The following PXDNL variants were observed in gnomAD, a reference collection of about 807,000 sequenced individuals.
PXDNL encodes the protein peroxidasin like.
Under a neutral mutation model 150.8 loss-of-function variants are expected in PXDNL, and 145 were observed. The observed-to-expected ratio is 0.96, with a 90% CI of 0.84 to 1.10. PXDNL has a LOEUF of 1.10. PXDNL is among the 50% of genes least tolerant of loss of function. The pLI is 0.00. For missense variants in PXDNL, 2,087 were observed against 1,873.9 expected, an observed-to-expected ratio of 1.11 and a Z score of -2.10; for synonymous variants, 757 against 725.7, an observed-to-expected ratio of 1.04 and a Z score of -0.69.
intron 2 of PXDNL, among the ~76,000 whole-genome samples, chr8:51,593,094 T>A (rs934706988): frequency 2.0e-5 from 3 of 152,084 alleles, no homozygotes; most frequent in African/African-American, 7.2e-5. Context: ...AAAATAAATA[T>A]CACAGATATT....
At chr8:51,660,947 G>A (rs1013902394) in intron 1 of PXDNL, among the ~76,000 whole-genome samples, 1 of 152,034 alleles carries the variant, frequency 6.6e-6, no homozygotes, top group African/African-American at 2.4e-5. Flanking sequence ...TGCCCTTTGC[G>A]ACCGCCCCCC....
intron 4 of PXDNL, among the ~76,000 whole-genome samples, chr8:51,522,628 G>C (rs1359528918): frequency 6.6e-6 from 1 of 152,164 alleles, no homozygotes; most frequent in Non-Finnish European, 1.5e-5. Context: ...TGGATCACCT[G>C]AGGTCAGGAG....
intron 2 of PXDNL, among the ~76,000 whole-genome samples, chr8:51,623,324 A>G (rs1814294495): frequency 6.6e-6 from 1 of 152,216 alleles, no homozygotes; most frequent in Non-Finnish European, 1.5e-5. Context: ...GCAGTGCCTC[A>G]GTTTCTCCAG....
chr8:51,459,537 A>G (rs1586124375), intron 8 of PXDNL, among the ~76,000 whole-genome samples: 2 of 152,232 alleles, frequency 1.3e-5, no homozygotes, highest in Admixed American at 1.3e-4. Flanking sequence ...TAAAACAGGC[A>G]GTAGCACATC....
At position 51,610,536 on chromosome 8, in the gene PXDNL, T is replaced by A. The variant is rs894433686; in HGVS notation, c.237-17838A>T. On this transcript the variant is annotated intron_variant, in intron 2 of 22. Coordinates refer to ENST00000356297, the MANE Select transcript of PXDNL (RefSeq NM_144651.5). The stretch of plus-strand genomic sequence containing the variant: ...ACTATTTTAGGGAGGAGGGTGAGTA[T>A]ATTTATTAATTTTCTATTGCTATAT... Among the ~76,000 whole-genome samples, 114 of 152,158 alleles carry A rather than the reference T, an allele frequency of 7.5e-4. 2 individuals carry two copies. Among genetic ancestry groups the A allele is most frequent in the Admixed American group, 1.3e-4 (2 of 15,268 alleles).
At position 51,559,341 on chromosome 8, in the gene PXDNL, C is replaced by T. The variant is rs866420903; in HGVS notation, c.309-2430G>A. Reference sequence around the variant, plus strand: ...TTTGTTTCTTCCAAACCCCCCCCCCCCCCGCCACCTTCTTTCCTGATTAAT... The same window carrying T: ...TTTGTTTCTTCCAAACCCCCCCCCCTCCCGCCACCTTCTTTCCTGATTAAT... On this transcript the variant is annotated intron_variant, in intron 3 of 22. Coordinates refer to ENST00000356297, the MANE Select transcript of PXDNL (RefSeq NM_144651.5). Among the ~76,000 whole-genome samples the T allele has an allele frequency of 2.5e-3, 365 of 145,856 alleles. 5 individuals are homozygous for T. The highest frequency in any genetic ancestry group is 7.7e-3 in the African/African-American group (314 of 40,822).
At chr8:51,621,373 T>C (rs998306499) in intron 2 of PXDNL, among the ~76,000 whole-genome samples, 2 of 152,180 alleles carry the variant, frequency 1.3e-5, no homozygotes, top group Non-Finnish European at 2.9e-5. Context: ...TGTGTTGGTA[T>C]AATTAAAATA....
chr8:51,576,523 T>C (rs1046500659), intron 3 of PXDNL, among the ~76,000 whole-genome samples: 3 of 151,864 alleles, frequency 2.0e-5, no homozygotes, highest in East Asian at 1.9e-4. Context: ...GATAAGGTAG[T>C]ATAGAAAGGA....
At chr8:51,747,966 C>G (rs536654250) in intron 1 of PXDNL, among the ~76,000 whole-genome samples, 1 of 152,244 alleles carries the variant, frequency 6.6e-6, no homozygotes, top group East Asian at 1.9e-4. Context: ...CTCCCTGGGT[C>G]GCAGTTTCCT....
chr8:51,767,743 C>T (rs1184210955), intron 1 of PXDNL, among the ~76,000 whole-genome samples: 3 of 152,294 alleles, frequency 2.0e-5, no homozygotes, highest in African/African-American at 4.8e-5. Context: ...ACAGGTGTTT[C>T]GTTTTCTAGA....
At chr8:51,723,156 G>C (rs1177537222) in intron 1 of PXDNL, among the ~76,000 whole-genome samples, 1 of 151,972 alleles carries the variant, frequency 6.6e-6, no homozygotes, top group African/African-American at 2.4e-5. Context: ...AGAACATCTG[G>C]GGGAAAAATC....
intron 1 of PXDNL, among the ~76,000 whole-genome samples, chr8:51,724,093 C>T (rs531177852): frequency 2.6e-5 from 4 of 152,034 alleles, no homozygotes; most frequent in Admixed American, 2.6e-4. Flanking sequence ...GGGTGGGGTG[C>T]TACTCACAGA....
chr8:51,425,609 G>A (rs1809075185), intron 13 of PXDNL, among the ~76,000 whole-genome samples: 1 of 152,016 alleles, frequency 6.6e-6, no homozygotes, highest in African/African-American at 2.4e-5. Flanking sequence ...CGAGGCAGGA[G>A]GATCATGAGG....
At chr8:51,380,154 C>A (rs781564200) in intron 17 of PXDNL, among the ~76,000 whole-genome samples, 2 of 151,740 alleles carry the variant, frequency 1.3e-5, no homozygotes, top group African/African-American at 4.8e-5. Context: ...CAAAAAAACT[C>A]ATAATATTTT....
chr8:51,668,457 G>A (rs182467918), intron 1 of PXDNL, among the ~76,000 whole-genome samples: 2 of 152,082 alleles, frequency 1.3e-5, no homozygotes, highest in Admixed American at 6.5e-5. Context: ...TTACAAGAGT[G>A]AGCCACCATG....
chr8:51,776,241 C>T (rs139785636), intron 1 of PXDNL, among the ~76,000 whole-genome samples: 60 of 152,236 alleles, frequency 3.9e-4, no homozygotes, highest in African/African-American at 1.4e-3. Flanking sequence ...TCTCGCCCTG[C>T]CTCCATTTGC....
At chr8:51,528,827 G>T (rs546773906) in intron 4 of PXDNL, among the ~76,000 whole-genome samples, 4 of 152,140 alleles carry the variant, frequency 2.6e-5, no homozygotes, top group African/African-American at 4.8e-5. Context: ...TTCCACAACC[G>T]CAAGAAACTG....
At chr8:51,711,728 A>G (rs1047380050) in intron 1 of PXDNL, among the ~76,000 whole-genome samples, 2 of 152,266 alleles carry the variant, frequency 1.3e-5, no homozygotes, top group African/African-American at 4.8e-5. Flanking sequence ...ATGCTGGCCT[A>G]GACCACTGTT....
chr8:51,714,705 A>G (rs1233520210), intron 1 of PXDNL, among the ~76,000 whole-genome samples: 1 of 152,216 alleles, frequency 6.6e-6, no homozygotes, highest in Non-Finnish European at 1.5e-5. Context: ...AAATGGTAAC[A>G]TAGGTATTTG....
Sources: allele counts gnomAD v4.1 joint callset (sites outside exome capture counted in the v4.1 genomes callset), GRCh38; gene constraint gnomAD v4.1.1; transcripts MANE v1.5; gene names NCBI Gene and HGNC (gene_info 2026-07-23, HGNC 2026-07-21).